The following ZFP2 variants were observed in gnomAD, a reference collection of about 807,000 sequenced individuals.
ZFP2 encodes zinc finger protein ZFP2.
Under a neutral mutation model 36.1 loss-of-function variants are expected in ZFP2, and 33 were observed. The observed-to-expected ratio is 0.92, with a 90% confidence interval of 0.69 to 1.22. The LOEUF is 1.22. ZFP2 is among the 50% of genes most tolerant of loss of function. ZFP2 has a pLI of 0.00. For missense variants in ZFP2, 522 were observed against 551.4 expected (o/e 0.95, Z 0.53); for synonymous variants, 170 against 178.0 (o/e 0.96, Z 0.36).
At chr5:178,927,673 G>T (rs920946369) in intron 4 of ZFP2, among the ~76,000 whole-genome samples, 1 of 83,246 alleles carries the variant, frequency 1.2e-5, no homozygotes, top group African/African-American at 3.4e-5. Context: ...ATGTGTGTGT[G>T]TGTGTGTGTG....
At chr5:178,902,912 A>G (rs866688295) in intron 1 of ZFP2, among the ~76,000 whole-genome samples, 12 of 152,364 alleles carry the variant, frequency 7.9e-5, no homozygotes, top group Middle Eastern at 3.4e-3. Flanking sequence ...AGACCTGTCC[A>G]TATCAGTACA....
chr5:178,922,783 G>A, intron 4 of ZFP2: 2 of 1,473,572 alleles, frequency 1.4e-6, no homozygotes, highest in South Asian at 2.5e-5. Context: ...AAATGTGTGT[G>A]GTCAAAGCCA....
intron 1 of ZFP2, chr5:178,909,956 G>A: frequency 7.1e-7 from 1 of 1,405,404 alleles, no homozygotes; most frequent in Non-Finnish European, 1.0e-6. Flanking sequence ...TCAGCCATTG[G>A]TCCAATACTG....
intron 1 of ZFP2, among the ~76,000 whole-genome samples, chr5:178,896,836 A>C (rs1757954498): frequency 1.3e-5 from 2 of 152,216 alleles, no homozygotes; most frequent in African/African-American, 4.8e-5. Flanking sequence ...TGAAGTGCAC[A>C]AATCTTAAGC....
chr5:178,913,583 G>A (rs904954526), intron 3 of ZFP2, among the ~76,000 whole-genome samples: 3 of 152,138 alleles, frequency 2.0e-5, no homozygotes, highest in Admixed American at 2.0e-4. Context: ...CATGAAAAAT[G>A]ATGTTAGCCT....
At chr5:178,925,156 TATACACATATATAC>T (rs1465345104) in intron 4 of ZFP2, among the ~76,000 whole-genome samples, 2 of 135,676 alleles carry the variant, frequency 1.5e-5, no homozygotes, top group East Asian at 3.9e-4. Flanking sequence ...CACACATATA[TATACACATATATAC>T]ATATACATAT....
At chr5:178,898,418 GT>G (rs1223874163) in intron 1 of ZFP2, among the ~76,000 whole-genome samples, 5 of 152,196 alleles carry the variant, frequency 3.3e-5, no homozygotes, top group Non-Finnish European at 7.3e-5. Flanking sequence ...TCTGTCTTTC[GT>G]CTTTGTATAG....
At chr5:178,929,948 G>GGA (rs778633199) in intron 4 of ZFP2, among the ~76,000 whole-genome samples, 1 of 150,260 alleles carries the variant, frequency 6.7e-6, no homozygotes, top group Admixed American at 6.6e-5. Context: ...ACGGTGGGGG[G>GGA]GGGGGCTCAG....
chr5:178,932,989 A>C lies in ZFP2; in HGVS notation c.*290A>C. ...TCATACCGCACATTCTCCTTTGGCTATCAGAGACTTTACACTGGAGAGAAA... is the reference window on the plus strand; with the variant it reads ...TCATACCGCACATTCTCCTTTGGCTCTCAGAGACTTTACACTGGAGAGAAA... On this transcript the variant is annotated 3_prime_UTR_variant, in exon 5 of 5. Transcript: ENST00000361362. The C allele has an allele frequency of 3.5e-6, 1 of 284,170 alleles. No homozygotes were observed. Among genetic ancestry groups the C allele is most frequent in the Non-Finnish European group, 7.0e-6 (1 of 143,740 alleles). The allele number at this position is 284,170 out of a possible 1,614,324, so 17.6% of individuals were successfully genotyped here.
rs868397599 is a variant in ZFP2, at chr5:178,931,810, C to G, written c.497C>G (p.Ala166Gly). ...TATAAATGTAATGAATGTGGGAAAG[C>G]CTTTAGTCAGAGCATGAATCTTACT... ...KPYKCNECGK[A>G]FSQSMNLTVH... The change falls in exon 5 of 5, where the codon GCC becomes GGC. Residue 166 changes from alanine to glycine, a missense_variant. By Grantham distance (60) the Ala-to-Gly change is moderately conservative. Coordinates refer to ENST00000361362, the MANE Select transcript of ZFP2 (RefSeq NM_030613.4). The G allele has an allele frequency of 1.2e-6, 2 of 1,613,982 alleles. No individual in the cohort carries two copies. The highest frequency in any genetic ancestry group is 3.3e-4 in the Middle Eastern group (2 of 6,060).
At chr5:178,930,915 C>T (rs1321622278) in intron 4 of ZFP2, among the ~76,000 whole-genome samples, 4 of 152,182 alleles carry the variant, frequency 2.6e-5, no homozygotes, top group Admixed American at 2.6e-4. Context: ...TTCCTTAGTT[C>T]CATCTTCATT....
rs536443991 is a variant in ZFP2 at position 178,924,080 on chromosome 5, T to A, written c.-77-7157T>A. Among the ~76,000 whole-genome samples the A allele has an allele frequency of 1.0e-3, 156 of 148,610 alleles. 4 individuals are homozygous for A. Among genetic ancestry groups the A allele is most frequent in the African/African-American group, 3.5e-3 (146 of 41,130 alleles). ...ATTTGGACAATAGAGCACAGAGAGG[T>A]TAAGAAACCTACGCAAGGTGTGGTG... On this transcript the variant is annotated intron_variant, in intron 4 of 4. Coordinates refer to ENST00000361362, the MANE Select transcript of ZFP2 (RefSeq NM_030613.4).
At chr5:178,912,873 A>G in intron 2 of ZFP2, 109 bp from the exon 3 acceptor site, 1 of 878,504 alleles carries the variant, frequency 1.1e-6, no homozygotes, top group Non-Finnish European at 1.4e-6. Context: ...TTCATAAGCC[A>G]CACCTTCCTT....
intron 1 of ZFP2, among the ~76,000 whole-genome samples, chr5:178,898,395 T>G (rs1757983760): frequency 6.6e-6 from 1 of 152,236 alleles, no homozygotes; most frequent in South Asian, 2.1e-4. Context: ...TGTGCAAGAA[T>G]ATGTCATGTC....
At chr5:178,912,371 T>C (rs1187455249) in intron 1 of ZFP2, among the ~76,000 whole-genome samples, 1 of 152,126 alleles carries the variant, frequency 6.6e-6, no homozygotes, top group Non-Finnish European at 1.5e-5. Flanking sequence ...TGCCTTTCCT[T>C]ATTTCTCACT....
At chr5:178,911,078 T>A (rs1496950) in intron 1 of ZFP2, among the ~76,000 whole-genome samples, 93,589 of 151,968 alleles carry the variant, frequency 0.62, 29,074 homozygotes, top group Non-Finnish European at 0.64. Flanking sequence ...TTCTCCTTGG[T>A]TAAAATGGAA....
At chr5:178,930,599 C>T (rs1758807794) in intron 4 of ZFP2, among the ~76,000 whole-genome samples, 1 of 152,038 alleles carries the variant, frequency 6.6e-6, no homozygotes, top group African/African-American at 2.4e-5. Flanking sequence ...GAGATTACGG[C>T]CATGAGCCAC....
rs1380472595 is a variant in ZFP2, at chr5:178,931,167, C to G, written c.-77-70C>G. 3.5e-6 allele frequency: 5 copies of G among 1,418,222 alleles called. No individual in the cohort carries two copies. The Admixed American group carries it at 1.6e-4, about 45-fold the overall frequency. The allele number at this position is 1,418,222 out of a possible 1,614,324, so 87.9% of individuals were successfully genotyped here. On this transcript the variant is annotated intron_variant, in intron 4 of 4. Transcript: ENST00000361362. ...TGATAGCTAGTTTAATTCTCTCATT[C>G]CTACCTTATGCAGTTTCCAGTCTCC...
intron 1 of ZFP2, among the ~76,000 whole-genome samples, chr5:178,896,184 G>A (rs1373380297): frequency 2.0e-5 from 3 of 152,214 alleles, no homozygotes; most frequent in African/African-American, 7.2e-5. Flanking sequence ...AGGAGCTGGC[G>A]GCGGGAGCAC....
Sources: gnomAD v4.1 joint callset for allele counts (sites outside exome capture counted in the v4.1 genomes callset) on GRCh38, gnomAD v4.1.1 for gene constraint, MANE v1.5 for transcripts, NCBI Gene and HGNC (gene_info 2026-07-23, HGNC 2026-07-21) for gene names.